Variants in NEBL observed in about 807,000 individuals in gnomAD.
NEBL encodes the protein LIM and SH3 protein 2.
Under a neutral mutation model 140.2 loss-of-function variants are expected in NEBL, and 122 were observed. The observed-to-expected ratio is 0.87, with a 90% CI of 0.75 to 1.01. The LOEUF (loss-of-function observed/expected upper bound fraction) is 1.01, where lower values mean the gene tolerates loss of function less well. NEBL is among the 50% of genes least tolerant of loss of function. NEBL has a pLI of 0.00. For missense variants in NEBL, 1,365 were observed against 1,231.3 expected (o/e 1.11, Z -1.62); for synonymous variants, 436 against 398.9 (o/e 1.09, Z -1.11).
intron 2 of NEBL, among the ~76,000 whole-genome samples, chr10:21,138,137 A>C (rs1301132898): frequency 6.6e-6 from 1 of 152,158 alleles, no homozygotes; most frequent in Non-Finnish European, 1.5e-5. Flanking sequence ...GGGAGCATGA[A>C]TCTGGCTTCC....
At position 21,279,195 on chromosome 10, in the gene NEBL, C is replaced by G. The variant is rs371936312; in HGVS notation, n.182+13635G>C. Among the ~76,000 whole-genome samples, 14 of 152,154 alleles carry G rather than the reference C, an allele frequency of 9.2e-5. 1 individual carries two copies. In the East Asian group the frequency reaches 2.1e-3, roughly 23 times the overall value. On this transcript the variant is annotated intron_variant and non_coding_transcript_variant, in intron 1 of 8. Transcript: ENST00000675702. ...GCAGTAAGTAAACCAACCAGCCTGG[C>G]TGCATTCCAATAAAACTTTATTTAT...
intron 1 of NEBL, among the ~76,000 whole-genome samples, chr10:21,285,711 G>A (rs1470832111): frequency 1.3e-5 from 2 of 152,182 alleles, no homozygotes; most frequent in East Asian, 3.9e-4. Flanking sequence ...AAGATAAGCT[G>A]TTCTACTTCC....
chr10:21,193,095 T>C (rs1460865487), intron 3 of NEBL, among the ~76,000 whole-genome samples: 1 of 151,676 alleles, frequency 6.6e-6, no homozygotes, highest in Non-Finnish European at 1.5e-5. Flanking sequence ...CGTGTTCAAA[T>C]GCACTGAACA....
intron 4 of NEBL, among the ~76,000 whole-genome samples, chr10:20,921,445 G>C (rs1833572146): frequency 6.6e-6 from 1 of 152,142 alleles, no homozygotes; most frequent in South Asian, 2.1e-4. Flanking sequence ...CAGGATAAGA[G>C]GGAGGTAGGG....
At chr10:21,222,037 G>C (rs911119514) in intron 3 of NEBL, among the ~76,000 whole-genome samples, 1 of 151,622 alleles carries the variant, frequency 6.6e-6, no homozygotes, top group Non-Finnish European at 1.5e-5. Flanking sequence ...GCCTGTCATT[G>C]GGCTGCAGTG....
At chr10:20,903,271 A>G (rs1261299489) in intron 4 of NEBL, among the ~76,000 whole-genome samples, 3 of 152,208 alleles carry the variant, frequency 2.0e-5, no homozygotes, top group Non-Finnish European at 4.4e-5. Context: ...AAAATGCTCA[A>G]TATCACTAAT....
chr10:20,992,515 G>T (rs1477461731), intron 3 of NEBL, among the ~76,000 whole-genome samples: 1 of 152,130 alleles, frequency 6.6e-6, no homozygotes, highest in Non-Finnish European at 1.5e-5. Flanking sequence ...CAGTGGCAGA[G>T]GTTCTAGGAC....
chr10:21,192,736 G>A (rs779628392), intron 3 of NEBL, among the ~76,000 whole-genome samples: 94 of 150,850 alleles, frequency 6.2e-4, no homozygotes, highest in Non-Finnish European at 1.2e-3. Flanking sequence ...TCCCAGCTAC[G>A]AGGGGGGCTG....
intron 14 of NEBL, 77 bp from the exon 15 acceptor site, chr10:20,831,660 C>G (rs942225767): frequency 3.4e-6 from 3 of 882,400 alleles, no homozygotes; most frequent in Non-Finnish European, 5.7e-6. Context: ...GTCATTTTGA[C>G]ATTAAGACCA....
At chr10:21,211,974 G>C (rs1277549212) in intron 3 of NEBL, among the ~76,000 whole-genome samples, 9 of 149,142 alleles carry the variant, frequency 6.0e-5, no homozygotes, top group African/African-American at 2.2e-4. Context: ...TACATTTCAG[G>C]GTTTTAAATC....
chr10:21,071,164 G>C (rs1480704964), intron 2 of NEBL, among the ~76,000 whole-genome samples: 1 of 150,936 alleles, frequency 6.6e-6, no homozygotes, highest in Non-Finnish European at 1.5e-5. Context: ...GTGACACTCT[G>C]TCTCTAAACA....
exon 1 of NEBL, chr10:21,174,181 G>T: frequency 2.7e-6 from 1 of 374,068 alleles, no homozygotes; most frequent in Non-Finnish European, 3.7e-6. Context: ...CGCCGCCGCC[G>T]CGCAGGCCAA....
In NEBL at chr10:21,182,334, G is replaced by T. The variant is rs1032026218; in HGVS notation, n.349-9857C>A. On this transcript the variant is annotated intron_variant and non_coding_transcript_variant, in intron 3 of 8. Coordinates refer to the NEBL transcript ENST00000675702. ...CAAAAAAAATAATAATAACTAACTAGGTGTGGCGGTGTGTGCCTGTAGTCC... is the reference window on the plus strand; with the variant it reads ...CAAAAAAAATAATAATAACTAACTATGTGTGGCGGTGTGTGCCTGTAGTCC... Among the ~76,000 whole-genome samples, 3 of 152,054 alleles carry T rather than the reference G, an allele frequency of 2.0e-5. No homozygotes were observed. The South Asian group carries it at 6.2e-4, about 32-fold the overall frequency.
At chr10:20,814,617 T>TACACACACACACACACACAC (rs3990287) in intron 22 of NEBL, among the ~76,000 whole-genome samples, 32 of 146,520 alleles carry the variant, frequency 2.2e-4, no homozygotes, top group African/African-American at 6.4e-4. Context: ...CATACACACA[T>TACACACACACACACACACAC]ACACACACAC....
upstream of NEBL, among the ~76,000 whole-genome samples, chr10:21,178,150 T>C (rs1841332555): frequency 6.6e-6 from 1 of 152,142 alleles, no homozygotes; most frequent in African/African-American, 2.4e-5. Context: ...TGTAGAAAAA[T>C]TATCTCATTT....
intron 17 of NEBL, 36 bp downstream of exon 17, chr10:20,828,493 TC>T: frequency 7.2e-7 from 1 of 1,383,672 alleles, no homozygotes; most frequent in Non-Finnish European, 1.0e-6. Flanking sequence ...AAACAAAATT[TC>T]AAGGTGGCAA....
intron 3 of NEBL, among the ~76,000 whole-genome samples, chr10:21,190,117 C>T (rs1291998079): frequency 1.3e-5 from 2 of 152,092 alleles, no homozygotes; most frequent in Non-Finnish European, 2.9e-5. Context: ...TCTTGCTACC[C>T]GAGCACAAAA....
At chr10:21,152,853 T>G (rs1840196610) in intron 2 of NEBL, among the ~76,000 whole-genome samples, 1 of 152,158 alleles carries the variant, frequency 6.6e-6, no homozygotes, top group African/African-American at 2.4e-5. Flanking sequence ...AAGAGTGACC[T>G]TGAAAAAAAC....
intron 19 of NEBL, among the ~76,000 whole-genome samples, chr10:20,820,957 G>C (rs746087652): frequency 6.6e-6 from 1 of 152,180 alleles, no homozygotes. Flanking sequence ...AAGGGGTAAG[G>C]TTCCTCTGGC....
Sources: allele counts gnomAD v4.1 joint callset (sites outside exome capture counted in the v4.1 genomes callset), GRCh38; gene constraint gnomAD v4.1.1; transcripts MANE v1.5; gene names NCBI Gene and HGNC (gene_info 2026-07-23, HGNC 2026-07-21).